ARID1B: variants seen among roughly 807,000 people sequenced by gnomAD.
ARID1B encodes AT-rich interaction domain 1B, also known as AT-rich interactive domain-containing protein 1B.
A neutral mutation model predicts 212.3 loss-of-function variants in ARID1B; 30 were observed. The ratio of observed to expected loss-of-function variants is 0.14; its 90% CI spans 0.11 to 0.19. The LOEUF (loss-of-function observed/expected upper bound fraction) is 0.19. ARID1B is among the 10% of genes least tolerant of loss of function. The probability of loss-of-function intolerance (pLI) is 1.00; values close to 1 mark genes in which losing one functional copy is unlikely to be tolerated. For synonymous variants in ARID1B, 1,402 were observed against 1,301.7 expected (o/e 1.08, Z -1.66); for missense variants, 2,891 against 3,204.0 (o/e 0.90, Z 2.36).
At chr6:156,889,466 G>A (rs1157985185) in intron 2 of ARID1B, among the ~76,000 whole-genome samples, 1 of 152,206 alleles carries the variant, frequency 6.6e-6, no homozygotes, top group Non-Finnish European at 1.5e-5. Context: ...TTCAACACTG[G>A]TTGTAAATGA....
At chr6:156,953,536 T>C (rs2078047) in intron 4 of ARID1B, among the ~76,000 whole-genome samples, 28,934 of 152,216 alleles carry the variant, frequency 0.19, 3,143 homozygotes, top group Non-Finnish European at 0.24. Context: ...ATTGAGATTC[T>C]TTCTTGTTTA....
chr6:156,868,295 G>A (rs1490838736), intron 2 of ARID1B, among the ~76,000 whole-genome samples: 2 of 152,188 alleles, frequency 1.3e-5, no homozygotes, highest in South Asian at 2.1e-4. Context: ...ATATGTGGGT[G>A]CTTCTATTGT....
At position 157,191,614 on chromosome 6, in the gene ARID1B, C is replaced by T. The variant is rs1189581124; in HGVS notation, c.4231+1404C>T. Among the ~76,000 whole-genome samples, 5 of 152,264 alleles carry T rather than the reference C, an allele frequency of 3.3e-5. No individual in the cohort carries two copies. The East Asian group carries it at 9.7e-4, about 29-fold the overall frequency. On this transcript the variant is annotated intron_variant, in intron 15 of 19. Coordinates refer to ENST00000636930, the MANE Select transcript of ARID1B (RefSeq NM_001374828.1). ...CTGCCGACTCCCAAGGTTGAGGTGG[C>T]ACTGAGGCTGTGACTGTCTGAGCCA... is the stretch of plus-strand genomic sequence containing the variant.
At chr6:156,951,334 G>C (rs1429272106) in intron 4 of ARID1B, among the ~76,000 whole-genome samples, 3 of 152,138 alleles carry the variant, frequency 2.0e-5, no homozygotes, top group Non-Finnish European at 4.4e-5. Context: ...TGATAATGCA[G>C]TTACTGATGA....
chr6:156,961,196 C>G (rs568750944), intron 4 of ARID1B, among the ~76,000 whole-genome samples: 1 of 152,288 alleles, frequency 6.6e-6, no homozygotes, highest in Admixed American at 6.5e-5. Flanking sequence ...GCGTGCTCTG[C>G]GACAGAGTGC....
At chr6:156,935,102 T>C (rs936050735) in intron 3 of ARID1B, among the ~76,000 whole-genome samples, 2 of 151,926 alleles carry the variant, frequency 1.3e-5, no homozygotes, top group African/African-American at 2.4e-5. Context: ...TGTTTTGTTC[T>C]GTTTTGTTTG....
intron 4 of ARID1B, among the ~76,000 whole-genome samples, chr6:157,019,196 T>C (rs1407509): frequency 0.45 from 68,276 of 152,018 alleles, 16,121 homozygotes; most frequent in East Asian, 0.66. Context: ...CTGGGGGCAC[T>C]GTGAGGGAGA....
intron 12 of ARID1B, among the ~76,000 whole-genome samples, chr6:157,183,237 C>T (rs914498017): frequency 2.0e-5 from 3 of 152,154 alleles, no homozygotes; most frequent in African/African-American, 4.8e-5. Context: ...AACCTGAAGA[C>T]CCACAGTTTG....
intron 1 of ARID1B, among the ~76,000 whole-genome samples, chr6:156,788,327 T>A (rs1203385427): frequency 7.2e-5 from 11 of 152,164 alleles, no homozygotes; most frequent in Non-Finnish European, 1.5e-4. Context: ...TTGTACTGAT[T>A]GGGACTCTTG....
intron 3 of ARID1B, among the ~76,000 whole-genome samples, chr6:156,904,492 A>G (rs1449688913): frequency 6.6e-6 from 1 of 152,248 alleles, no homozygotes; most frequent in African/African-American, 2.4e-5. Context: ...TGCAGGATGA[A>G]TTCTGGAAGC....
intron 4 of ARID1B, among the ~76,000 whole-genome samples, chr6:157,067,326 C>T (rs1221733172): frequency 6.6e-6 from 1 of 152,162 alleles, no homozygotes; most frequent in African/African-American, 2.4e-5. Context: ...AAGTACAGGC[C>T]ATCTACTGGT....
intron 4 of ARID1B, among the ~76,000 whole-genome samples, chr6:157,080,120 C>T (rs1431201519): frequency 6.6e-6 from 1 of 152,136 alleles, no homozygotes; most frequent in Admixed American, 6.5e-5. Context: ...TCCTCATGCT[C>T]TCCTGGGGCA....
At chr6:156,869,224 T>C (rs922903791) in intron 2 of ARID1B, among the ~76,000 whole-genome samples, 14 of 152,198 alleles carry the variant, frequency 9.2e-5, no homozygotes, top group African/African-American at 2.7e-4. Context: ...TTTAATACTT[T>C]TAGCTGTTTT....
chr6:156,892,509 AT>A (rs1461895020), intron 2 of ARID1B, among the ~76,000 whole-genome samples: 3 of 152,242 alleles, frequency 2.0e-5, no homozygotes, highest in Non-Finnish European at 4.4e-5. Flanking sequence ...AGACTTCTGT[AT>A]TAAGTGTATA....
At position 156,962,156 on chromosome 6, in the gene ARID1B, G is replaced by A. The variant is rs1407761982; in HGVS notation, c.2247+26580G>A. Among the ~76,000 whole-genome samples the A allele has an allele frequency of 4.6e-5, 7 of 151,990 alleles. No homozygotes were observed. In the East Asian group the frequency reaches 1.4e-3, roughly 29 times the overall value. ...CTACTAAAAATACAAAAAATTAGCCGGGCGTGGTGGCGGGCGCCTGCAGTC... is the reference window on the plus strand; with the variant it reads ...CTACTAAAAATACAAAAAATTAGCCAGGCGTGGTGGCGGGCGCCTGCAGTC... On this transcript the variant is annotated intron_variant, in intron 4 of 19. Transcript: ENST00000636930.
At chr6:157,155,534 T>C (rs1007158651) in intron 8 of ARID1B, among the ~76,000 whole-genome samples, 10 of 152,038 alleles carry the variant, frequency 6.6e-5, no homozygotes, top group Non-Finnish European at 1.2e-4. Context: ...TACTCTTGAC[T>C]AGAAGGGAAG....
chr6:156,993,982 C>T (rs1453454907), intron 4 of ARID1B, among the ~76,000 whole-genome samples: 1 of 152,182 alleles, frequency 6.6e-6, no homozygotes, highest in Non-Finnish European at 1.5e-5. Flanking sequence ...GTGTCAGGCT[C>T]ACAGATGCCA....
intron 5 of ARID1B, among the ~76,000 whole-genome samples, chr6:157,100,711 C>G (rs1785995867): frequency 1.3e-5 from 2 of 152,312 alleles, no homozygotes; most frequent in South Asian, 4.2e-4. Context: ...TGTTGCAGAG[C>G]TGTACCATCT....
At position 156,779,489 on chromosome 6, in the gene ARID1B, C is replaced by G. The variant is rs775006984; in HGVS notation, c.1791+18C>G. 7.4e-7 allele frequency: 1 copy of G among 1,347,840 alleles called. No individual in the cohort carries two copies. Among genetic ancestry groups the G allele is most frequent in the South Asian group, 1.7e-5 (1 of 59,546 alleles). The allele number at this position is 1,347,840 out of a possible 1,614,324, so 83.5% of individuals were successfully genotyped here. A position where few individuals can be genotyped will look rare whatever the true frequency, so the allele number is the denominator to read the frequency against. Reference sequence around the variant, plus strand: ...GATCCCAGGTAACCCTCGCGCCAGCCGGGCCTGCTTCCGCCCGGCGGCCTC... The same window carrying G: ...GATCCCAGGTAACCCTCGCGCCAGCGGGGCCTGCTTCCGCCCGGCGGCCTC... On this transcript the variant is annotated intron_variant, in intron 1 of 19. Coordinates refer to ENST00000636930, the MANE Select transcript of ARID1B (RefSeq NM_001374828.1).
Sources: gnomAD v4.1 joint callset for allele counts (sites outside exome capture counted in the v4.1 genomes callset) on GRCh38, gnomAD v4.1.1 for gene constraint, MANE v1.5 for transcripts, NCBI Gene and HGNC (gene_info 2026-07-23, HGNC 2026-07-21) for gene names.